Variants in SOX6 observed in about 807,000 individuals in gnomAD.
SOX6 encodes the protein SRY-box transcription factor 6.
A neutral mutation model predicts 97.8 loss-of-function variants in SOX6; 11 were observed. That is an observed-to-expected ratio of 0.11 (90% CI 0.07 to 0.19). The LOEUF (loss-of-function observed/expected upper bound fraction) is 0.19, where lower values mean the gene tolerates loss of function less well. SOX6 is among the 10% of genes least tolerant of loss of function. The pLI, the probability that SOX6 is intolerant of heterozygous loss-of-function variation, is 1.00. For synonymous variants in SOX6, 360 were observed against 371.4 expected (o/e 0.97, Z 0.35); for missense variants, 810 against 1,039.5 (o/e 0.78, Z 3.04).
intron 6 of SOX6, among the ~76,000 whole-genome samples, chr11:16,126,387 G>T (rs1745227007): frequency 6.6e-6 from 1 of 152,032 alleles, no homozygotes; most frequent in African/African-American, 2.4e-5. Flanking sequence ...CACTACAACT[G>T]TAGTTTCCAC....
At chr11:16,055,646 A>G in intron 10 of SOX6, 106 bp downstream of exon 10, 3 of 1,408,268 alleles carry the variant, frequency 2.1e-6, no homozygotes, top group East Asian at 2.3e-5. Context: ...GGGTTGCTTT[A>G]TGTTGCTATG....
At chr11:16,170,975 T>C (rs1048911058) in intron 6 of SOX6, among the ~76,000 whole-genome samples, 1 of 151,976 alleles carries the variant, frequency 6.6e-6, no homozygotes, top group African/African-American at 2.4e-5. Flanking sequence ...CCTACCCTTA[T>C]CCAAAGTAGA....
chr11:16,107,004 T>G (rs1849104251), intron 7 of SOX6, among the ~76,000 whole-genome samples: 1 of 152,096 alleles, frequency 6.6e-6, no homozygotes, highest in African/African-American at 2.4e-5. Context: ...TCATAAATCA[T>G]TAAGGAAATG....
rs892393207 is a variant in SOX6, at chr11:16,597,451, T to G, written n.609+14630A>C. Among the ~76,000 whole-genome samples, 5 of 151,906 alleles carry G rather than the reference T, an allele frequency of 3.3e-5. No homozygotes were observed. The East Asian group carries it at 9.6e-4, about 29-fold the overall frequency. On this transcript the variant is annotated intron_variant and non_coding_transcript_variant, in intron 4 of 5. Transcript: ENST00000524520. ...TTTTTAAAATTAGAAAATTGAGATT[T>G]GGGGAGGTTGCATTACTTTTCCAAG...
chr11:16,330,585 C>A (rs1370563803), intron 2 of SOX6, among the ~76,000 whole-genome samples: 2 of 151,914 alleles, frequency 1.3e-5, no homozygotes, highest in Non-Finnish European at 2.9e-5. Flanking sequence ...AAACAACATT[C>A]AACTATTGAC....
chr11:16,669,249 C>A (rs1485444168), intron 3 of SOX6, among the ~76,000 whole-genome samples: 1 of 152,128 alleles, frequency 6.6e-6, no homozygotes, highest in East Asian at 1.9e-4. Context: ...ATCTTGGAAA[C>A]AATAAAAATA....
intron 3 of SOX6, chr11:16,252,638 A>G (rs1853548932): frequency 6.6e-6 from 1 of 152,226 alleles, no homozygotes; most frequent in Non-Finnish European, 1.5e-5. Context: ...TAAATACACC[A>G]CAACATTCTG....
intron 9 of SOX6, among the ~76,000 whole-genome samples, chr11:16,083,467 T>C (rs1179012312): frequency 3.9e-5 from 6 of 152,236 alleles, no homozygotes; most frequent in African/African-American, 1.4e-4. Context: ...TTTCATTAGA[T>C]TGGTATATTC....
At chr11:16,028,714 T>A (rs1855275140) in intron 12 of SOX6, among the ~76,000 whole-genome samples, 2 of 152,102 alleles carry the variant, frequency 1.3e-5, no homozygotes, top group African/African-American at 4.8e-5. Flanking sequence ...GTAAATGAGG[T>A]ATGTGCTCTC....
chr11:16,271,693 TTTAA>T (rs1802987825), intron 3 of SOX6, among the ~76,000 whole-genome samples: 1 of 151,528 alleles, frequency 6.6e-6, no homozygotes, highest in Non-Finnish European at 1.5e-5. Flanking sequence ...TTTTCTGTAA[TTTAA>T]TTGTCATTTT....
rs1222901911 is a variant in SOX6 at position 16,690,184 on chromosome 11, G to A, written n.429+24646C>T. ...AAGTGATCTGCCCACCTTGGCCTGA[G>A]CCAAGGTGTGAGCCACTGCACCCAG... On this transcript the variant is annotated intron_variant and non_coding_transcript_variant, in intron 3 of 5. Coordinates refer to the SOX6 transcript ENST00000524520. Among the ~76,000 whole-genome samples the A allele has an allele frequency of 2.6e-5, 4 of 152,102 alleles. No homozygotes were observed. The East Asian group carries it at 7.7e-4, about 29-fold the overall frequency.
chr11:16,261,217 G>A (rs1004162178), intron 3 of SOX6, among the ~76,000 whole-genome samples: 1 of 151,926 alleles, frequency 6.6e-6, no homozygotes, highest in Non-Finnish European at 1.5e-5. Flanking sequence ...CTACTATATC[G>A]TTATCAGGCA....
At chr11:16,074,798 G>C (rs1285464658) in intron 9 of SOX6, among the ~76,000 whole-genome samples, 4 of 152,218 alleles carry the variant, frequency 2.6e-5, no homozygotes, top group Admixed American at 1.3e-4. Flanking sequence ...ACTGCCAAAA[G>C]CAATTAAATA....
chr11:16,500,388 C>T (rs560440524), intron 4 of SOX6, among the ~76,000 whole-genome samples: 14 of 152,178 alleles, frequency 9.2e-5, no homozygotes, highest in African/African-American at 1.4e-4. Context: ...GCATTCCCTT[C>T]GAAAACTGGC....
At chr11:16,716,007 G>T (rs981543370) in intron 2 of SOX6, among the ~76,000 whole-genome samples, 5 of 152,126 alleles carry the variant, frequency 3.3e-5, no homozygotes, top group Non-Finnish European at 7.4e-5. Flanking sequence ...GCCGAGGTGG[G>T]AGGATCAAGT....
rs1429134456 is a variant in SOX6 at position 16,235,104 on chromosome 11, A to T, written c.446-433T>A. Among the ~76,000 whole-genome samples, 3 of 152,136 alleles carry T rather than the reference A, an allele frequency of 2.0e-5. No individual in the cohort carries two copies. In the East Asian group the frequency reaches 5.8e-4, roughly 29 times the overall value. On this transcript the variant is annotated intron_variant, in intron 3 of 15. Transcript: ENST00000683767. ...CAATAACAGATAATCAAGAGAGAAG[A>T]GCCCAATCAATCTGTAACCACTTAG...
chr11:16,428,138 G>A (rs1370952075), intron 1 of SOX6, among the ~76,000 whole-genome samples: 1 of 152,216 alleles, frequency 6.6e-6, no homozygotes, highest in Non-Finnish European at 1.5e-5. Flanking sequence ...CTTTTGAGAA[G>A]TGTCTGTTGA....
chr11:16,454,268 CA>C (rs1376382534), intron 1 of SOX6, among the ~76,000 whole-genome samples: 8 of 152,022 alleles, frequency 5.3e-5, no homozygotes, highest in African/African-American at 1.9e-4. Context: ...TTATTTTAAT[CA>C]GAGATAGTTA....
At chr11:16,286,377 A>G (rs1236078048) in intron 3 of SOX6, among the ~76,000 whole-genome samples, 1 of 152,130 alleles carries the variant, frequency 6.6e-6, no homozygotes, top group East Asian at 1.9e-4. Context: ...ACATATCAAG[A>G]AGAAGAGGAA....
Sources: allele counts gnomAD v4.1 joint callset (sites outside exome capture counted in the v4.1 genomes callset), GRCh38; gene constraint gnomAD v4.1.1; transcripts MANE v1.5; gene names NCBI Gene and HGNC (gene_info 2026-07-23, HGNC 2026-07-21).